IPO11: variants seen among roughly 807,000 people sequenced by gnomAD.
IPO11 encodes the protein importin 11.
IPO11 carries 66 observed loss-of-function variants against 143.2 expected under a neutral mutation model. The observed-to-expected ratio is 0.46, with a 90% confidence interval of 0.38 to 0.57. The LOEUF (loss-of-function observed/expected upper bound fraction) is 0.57. IPO11 is among the 20% of genes least tolerant of loss of function. The probability of loss-of-function intolerance (pLI) is 0.00; values close to 1 mark genes in which losing one functional copy is unlikely to be tolerated. For missense variants in IPO11, 1,026 were observed against 1,141.0 expected (o/e 0.90, Z 1.45); for synonymous variants, 385 against 377.8 (o/e 1.02, Z -0.22).
At position 62,571,435 on chromosome 5, in the gene IPO11, C is replaced by T. The variant is rs115874269; in HGVS notation, c.2582+10178C>T. ...TGTATATATGATGCCTTCTAAAATGCTTAATGAATATGACCACTCAGTAAA... is the reference window on the plus strand; with the variant it reads ...TGTATATATGATGCCTTCTAAAATGTTTAATGAATATGACCACTCAGTAAA... On this transcript the variant is annotated intron_variant, in intron 27 of 29. Transcript: ENST00000325324. Among the ~76,000 whole-genome samples, 672 of 152,288 alleles carry T rather than the reference C, an allele frequency of 4.4e-3. 4 individuals are homozygous for T. The highest frequency in any genetic ancestry group is 0.015 in the African/African-American group (634 of 41,562).
chr5:62,517,854 A>G (rs1301575460), intron 20 of IPO11, among the ~76,000 whole-genome samples: 4 of 152,266 alleles, frequency 2.6e-5, no homozygotes, highest in East Asian at 3.9e-4. Context: ...TTCTTTAATC[A>G]TGACATTTAA....
intron 5 of IPO11, among the ~76,000 whole-genome samples, chr5:62,454,241 A>G (rs1411312851): frequency 6.6e-6 from 1 of 152,152 alleles, no homozygotes; most frequent in Non-Finnish European, 1.5e-5. Flanking sequence ...AATCCTTTTC[A>G]CTTTTGCTTG....
In IPO11 at chr5:62,627,428, G is replaced by A; in HGVS notation, c.*110G>A. ...TGAAGAAATCACTTCATGAAAATAA[G>A]CAAAGACCACACATTTTTTACTACA... On this transcript the variant is annotated 3_prime_UTR_variant, in exon 30 of 30. Transcript: ENST00000325324. 9.9e-7 allele frequency: 1 copy of A among 1,008,338 alleles called. No homozygotes were observed. The highest frequency in any genetic ancestry group is 1.4e-6 in the Non-Finnish European group (1 of 696,858). The allele number at this position is 1,008,338 out of a possible 1,614,324, so 62.5% of individuals were successfully genotyped here.
intron 28 of IPO11, among the ~76,000 whole-genome samples, chr5:62,598,426 T>TGAGATGGAG (rs1745328329): frequency 8.0e-4 from 3 of 3,748 alleles, no homozygotes; most frequent in Non-Finnish European, 1.3e-3. Context: ...CTTTCTTTCT[T>TGAGATGGAG]TCTTTCTCTC....
chr5:62,470,948 C>A (rs1441849879), intron 7 of IPO11, among the ~76,000 whole-genome samples: 1 of 150,876 alleles, frequency 6.6e-6, no homozygotes, highest in African/African-American at 2.4e-5. Context: ...CTGCCTCAGC[C>A]TCCCAAGTCA....
At chr5:62,565,011 T>G (rs935660746) in intron 27 of IPO11, among the ~76,000 whole-genome samples, 4 of 152,206 alleles carry the variant, frequency 2.6e-5, no homozygotes, top group Non-Finnish European at 5.9e-5. Flanking sequence ...AGATTGAGTT[T>G]ACATATGTAA....
intron 7 of IPO11, among the ~76,000 whole-genome samples, chr5:62,472,076 A>G (rs1561324647): frequency 1.3e-5 from 2 of 152,204 alleles, no homozygotes; most frequent in Non-Finnish European, 2.9e-5. Flanking sequence ...CTCCTTTTCA[A>G]TTCCCTAACT....
chr5:62,414,487 T>C (rs554957822), intron 1 of IPO11, among the ~76,000 whole-genome samples: 2 of 152,344 alleles, frequency 1.3e-5, no homozygotes, highest in South Asian at 4.1e-4. Context: ...AAATAGGGAC[T>C]GTTAATTTCA....
chr5:62,516,076 C>T (rs182030570), intron 20 of IPO11, among the ~76,000 whole-genome samples: 37 of 152,168 alleles, frequency 2.4e-4, no homozygotes, highest in Admixed American at 1.3e-4. Flanking sequence ...AGCTCAAGGC[C>T]GTGAGTTAGA....
intron 27 of IPO11, among the ~76,000 whole-genome samples, chr5:62,562,943 A>G (rs1202757291): frequency 2.0e-5 from 3 of 152,224 alleles, no homozygotes; most frequent in South Asian, 4.1e-4. Context: ...CACAGAGCAA[A>G]CAATTACTTA....
chr5:62,607,314 G>A (rs1224779980), intron 29 of IPO11, among the ~76,000 whole-genome samples: 1 of 152,136 alleles, frequency 6.6e-6, no homozygotes, highest in Non-Finnish European at 1.5e-5. Context: ...AAGGTTTTCT[G>A]GAAATCTTTA....
At chr5:62,618,246 A>C (rs1405437757) in intron 29 of IPO11, among the ~76,000 whole-genome samples, 1 of 152,158 alleles carries the variant, frequency 6.6e-6, no homozygotes, top group Admixed American at 6.5e-5. Context: ...TTAAAGGGGA[A>C]GCTTGAAATT....
At chr5:62,480,081 T>C (rs1326100539) in intron 9 of IPO11, among the ~76,000 whole-genome samples, 2 of 152,222 alleles carry the variant, frequency 1.3e-5, no homozygotes, top group African/African-American at 2.4e-5. Context: ...AGGTCTAACA[T>C]TTAAGTCTTT....
At chr5:62,498,133 T>C (rs1276382816) in intron 16 of IPO11, among the ~76,000 whole-genome samples, 1 of 152,218 alleles carries the variant, frequency 6.6e-6, no homozygotes, top group Non-Finnish European at 1.5e-5. Flanking sequence ...TTTCATAGTT[T>C]ATGGAAGATT....
chr5:62,582,965 T>G (rs1468242563), intron 27 of IPO11, among the ~76,000 whole-genome samples: 1 of 152,166 alleles, frequency 6.6e-6, no homozygotes, highest in African/African-American at 2.4e-5. Context: ...AGAAATTGCA[T>G]AAATAAAGCC....
intron 9 of IPO11, among the ~76,000 whole-genome samples, chr5:62,482,855 G>A (rs2112222902): frequency 6.6e-6 from 1 of 152,138 alleles, no homozygotes; most frequent in East Asian, 1.9e-4. Context: ...TATGAATTGA[G>A]TCTGTTTTGG....
At chr5:62,531,481 C>T (rs1248492098) in intron 22 of IPO11, among the ~76,000 whole-genome samples, 1 of 152,146 alleles carries the variant, frequency 6.6e-6, no homozygotes, top group Non-Finnish European at 1.5e-5. Context: ...CAGGTGTGCA[C>T]CACCACACAC....
At chr5:62,498,335 T>C (rs912311394) in intron 16 of IPO11, among the ~76,000 whole-genome samples, 11 of 152,190 alleles carry the variant, frequency 7.2e-5, no homozygotes, top group African/African-American at 2.7e-4. Flanking sequence ...TTCTAAAAAG[T>C]ATCTTTTACA....
chr5:62,581,738 A>T (rs1283967339), intron 27 of IPO11, among the ~76,000 whole-genome samples: 1 of 152,128 alleles, frequency 6.6e-6, no homozygotes, highest in Non-Finnish European at 1.5e-5. Flanking sequence ...GGATTGTGAT[A>T]TGAAAAAAAT....
Sources: gnomAD v4.1 joint callset for allele counts (sites outside exome capture counted in the v4.1 genomes callset) on GRCh38, gnomAD v4.1.1 for gene constraint, MANE v1.5 for transcripts, NCBI Gene and HGNC (gene_info 2026-07-23, HGNC 2026-07-21) for gene names.